ITPR3: variants seen among roughly 807,000 people sequenced by gnomAD.
ITPR3 encodes the protein inositol 1,4,5-trisphosphate receptor type 3, also known as inositol 1,4,5-trisphosphate-gated calcium channel ITPR3.
In ITPR3, 173 loss-of-function variants were observed where a neutral mutation model predicts 293.2. That is an observed-to-expected ratio of 0.59 (90% CI 0.52 to 0.67). The LOEUF is 0.67. Ranked by LOEUF, ITPR3 falls within the 30% of genes least tolerant of loss-of-function variation. ITPR3 has a pLI of 0.00. For synonymous variants in ITPR3, 1,295 were observed against 1,444.4 expected (o/e 0.90, Z 2.35); for missense variants, 2,796 against 3,592.1 (o/e 0.78, Z 5.66).
Position 33,686,098 on chromosome 6 carries a change from T to C in ITPR3, c.5713T>C (p.Cys1905Arg). The stretch of plus-strand genomic sequence containing the variant: ...CAACAAAACCAACTACAACTTGGTA[T>C]GCGAGACGCTGCAGTTCCTGGACAT... ...QNNKTNYNLV[C>R]ETLQFLDIMC... Residue 1905 changes from cysteine (C) to arginine (R), a missense_variant, in exon 42 of 58, where the codon TGC becomes CGC. Cys to Arg is a radical substitution (Grantham distance 180). Around this residue, in one of 8 missense-constraint regions of ITPR3, gnomAD observed 704 missense variants for 797.5 expected, o/e 0.88. Coordinates refer to ENST00000605930, the MANE Select transcript of ITPR3 (RefSeq NM_002224.4). 1 of 1,614,204 alleles carries C rather than the reference T, an allele frequency of 6.2e-7. No homozygotes were observed. The highest frequency in any genetic ancestry group is 8.5e-7 in the Non-Finnish European group (1 of 1,180,040).
At chr6:33,652,309 C>T (rs1361710015) in intron 2 of ITPR3, among the ~76,000 whole-genome samples, 4 of 152,106 alleles carry the variant, frequency 2.6e-5, no homozygotes, top group Non-Finnish European at 4.4e-5. Context: ...TGTATGCATC[C>T]GGCAGATTCA....
Position 33,688,038 on chromosome 6 carries a change from G to T in ITPR3, c.6265-19G>T. ...ATGTGGAGGCTGGGGCCTGACCTCC[G>T]CGCCCTCCCCACCTCCAGCTCAGCC... On this transcript the variant is annotated intron_variant, in intron 46 of 57. Coordinates refer to ENST00000605930, the MANE Select transcript of ITPR3 (RefSeq NM_002224.4). 6.2e-7 allele frequency: 1 copy of T among 1,602,292 alleles called. No individual in the cohort carries two copies. The highest frequency in any genetic ancestry group is 8.5e-7 in the Non-Finnish European group (1 of 1,172,016).
rs1764875697 is a variant in ITPR3 at position 33,675,332 on chromosome 6, G to T, written c.3117-359G>T. ...AGCTACTCAGGAGGCTGAAGCAGGA[G>T]AATCATTTGAATCCGGGAGGTGGAG... On this transcript the variant is annotated intron_variant, in intron 24 of 57. Transcript: ENST00000605930. This position sits in a 1 kb window ranked among gnomAD's most constrained non-coding sequence, Gnocchi z 5.0. 6.6e-6 allele frequency among the ~76,000 whole-genome samples: 1 copy of T among 151,826 alleles called. No homozygotes were observed. The highest frequency in any genetic ancestry group is 2.4e-5 in the African/African-American group (1 of 41,318).
In ITPR3 at chr6:33,654,330, C is replaced by T. The variant is rs899563685; in HGVS notation, c.161-1436C>T. On this transcript the variant is annotated intron_variant, in intron 2 of 57. Transcript: ENST00000605930. This position sits in a 1 kb window ranked among gnomAD's most constrained non-coding sequence, Gnocchi z 4.1. ...CACTCTCTCCAACAAACTGAGTGCT[C>T]TTTCGGAAGTGATGTCCACTCATGC... Among the ~76,000 whole-genome samples the T allele has an allele frequency of 2.0e-5, 3 of 152,062 alleles. No individual in the cohort carries two copies. Among genetic ancestry groups the T allele is most frequent in the Admixed American group, 1.3e-4 (2 of 15,268 alleles).
chr6:33,689,533 T>TC, intron 50 of ITPR3, 123 bp downstream of exon 50: 1 of 1,113,640 alleles, frequency 9.0e-7, no homozygotes, highest in Non-Finnish European at 1.3e-6. Context: ...TCTGTTGGGC[T>TC]CCCAAGTTCC....
At chr6:33,671,113 G>C in intron 20 of ITPR3, 52 bp from the exon 21 acceptor site, 1 of 1,604,810 alleles carries the variant, frequency 6.2e-7, no homozygotes, top group Non-Finnish European at 8.5e-7. Context: ...ACGAAGCCCC[G>C]CCCCTACGCG....
rs1186134316 is a variant in ITPR3, at chr6:33,659,129, T to G, written c.627+10T>G. On this transcript the variant is annotated intron_variant, in intron 6 of 57. Transcript: ENST00000605930. ...CGCCGGCTGCAAGGAGGTGAGGGGG[T>G]GGGGGGTCAGCCATGCAGTGCAGGG... 1.3e-5 allele frequency: 20 copies of G among 1,589,584 alleles called. No individual in the cohort carries two copies. The highest frequency in any genetic ancestry group is 1.6e-5 in the Non-Finnish European group (18 of 1,159,698).
intron 1 of ITPR3, among the ~76,000 whole-genome samples, chr6:33,629,281 G>T (rs1445275694): frequency 6.6e-6 from 1 of 152,034 alleles, no homozygotes; most frequent in African/African-American, 2.4e-5. Flanking sequence ...ACAGTGTTGT[G>T]ATCACACCAA....
In ITPR3 at chr6:33,673,749, G is replaced by T; in HGVS notation, c.3058+29G>T. On this transcript the variant is annotated intron_variant, in intron 23 of 57. Transcript: ENST00000605930. Reference sequence around the variant, plus strand: ...AGCCCCTGCCCTGCCTTCAGGCTGAGGCTGTGCGACTCTCCCAGGGATACA... The same window carrying T: ...AGCCCCTGCCCTGCCTTCAGGCTGATGCTGTGCGACTCTCCCAGGGATACA... 2.5e-6 allele frequency: 4 copies of T among 1,612,512 alleles called. 1 individual carries two copies. In the Middle Eastern group the frequency reaches 5.1e-4, roughly 205 times the overall value.
chr6:33,687,091 G>C lies in ITPR3; in HGVS notation c.6062G>C (p.Arg2021Pro). ...ENAERILISLRPQELVDVIKK... is the reference protein window; with the variant it reads ...ENAERILISLPPQELVDVIKK... ...GCTGAGCGAATCCTCATCAGCCTGC[G>C]GCCCCAGGAGCTGGTGAGGCTGGGC... Residue 2021 changes from arginine to proline, a missense_variant, in exon 44 of 58, where the codon CGG (arginine) becomes CCG (proline). Coordinates refer to ENST00000605930, the MANE Select transcript of ITPR3 (RefSeq NM_002224.4). The surrounding 1 kb of genome is among the most constrained non-coding windows in gnomAD (Gnocchi z 5.3). 6.2e-7 allele frequency: 1 copy of C among 1,613,996 alleles called. No individual in the cohort carries two copies. Among genetic ancestry groups the C allele is most frequent in the East Asian group, 2.2e-5 (1 of 44,882 alleles).
intron 2 of ITPR3, among the ~76,000 whole-genome samples, chr6:33,645,832 C>CTT (rs938290510): frequency 2.0e-5 from 3 of 147,942 alleles, no homozygotes; most frequent in African/African-American, 7.4e-5. Flanking sequence ...AAAATGTACT[C>CTT]TTTTTTTTTT....
rs910782310 is a variant in ITPR3, at chr6:33,665,864, T to C, written c.1439T>C (p.Val480Ala). Residue 480 changes from valine to alanine, a missense_variant, in exon 14 of 58, where the codon GTG (valine) becomes GCG (alanine). Transcript: ENST00000605930. ...RFVIQLLEDLVFFVSDVPNNG... is the reference protein window; with the variant it reads ...RFVIQLLEDLAFFVSDVPNNG... ...GTCATCCAGCTGCTGGAAGACCTGG[T>C]GTTCTTTGTCAGCGATGTCCCCAAC... 4 of 1,614,166 alleles carry C rather than the reference T, an allele frequency of 2.5e-6. No homozygotes were observed. Among genetic ancestry groups the C allele is most frequent in the Non-Finnish European group, 3.4e-6 (4 of 1,180,020 alleles).
At chr6:33,640,405 C>T in intron 1 of ITPR3, 79 bp from the exon 2 acceptor site, 2 of 1,301,928 alleles carry the variant, frequency 1.5e-6, no homozygotes, top group Non-Finnish European at 2.1e-6. Context: ...GGTACCCTGG[C>T]ATCCCCTGCT....
At position 33,625,970 on chromosome 6, in the gene ITPR3, T is replaced by C. The variant is rs76684647; in HGVS notation, c.89+4279T>C. ...TTTGTTTTGTTTGAAATGGGGTCTT[T>C]GTCACCCAGGCTGGAATGCAGTAGT... On this transcript the variant is annotated intron_variant, in intron 1 of 57. Transcript: ENST00000605930. 9.9e-3 allele frequency among the ~76,000 whole-genome samples: 1,502 copies of C among 152,274 alleles called. 16 individuals carry two copies. Among genetic ancestry groups the C allele is most frequent in the African/African-American group, 0.025 (1,054 of 41,542 alleles).
At chr6:33,686,606 G>C in intron 43 of ITPR3, 87 bp downstream of exon 43, 1 of 998,718 alleles carries the variant, frequency 1.0e-6, no homozygotes, top group Non-Finnish European at 1.6e-6. Flanking sequence ...AGTGTACATA[G>C]TGGTGTGTAA....
intron 2 of ITPR3, among the ~76,000 whole-genome samples, chr6:33,650,715 TAGA>T (rs948109566): frequency 4.6e-5 from 7 of 152,234 alleles, no homozygotes; most frequent in Middle Eastern, 3.2e-3. Flanking sequence ...TTTTTATTTC[TAGA>T]AGTTCTACTT....
chr6:33,622,569 T>C (rs1250062315), intron 1 of ITPR3, among the ~76,000 whole-genome samples: 1 of 152,110 alleles, frequency 6.6e-6, no homozygotes, highest in Non-Finnish European at 1.5e-5. Flanking sequence ...TTTGTCCCGT[T>C]TACAGTCTGG....
intron 1 of ITPR3, among the ~76,000 whole-genome samples, chr6:33,630,760 C>T (rs1467461731): frequency 6.6e-6 from 1 of 152,182 alleles, no homozygotes; most frequent in African/African-American, 2.4e-5. Context: ...TATTTGGGTT[C>T]TCTGCGTGTG....
intron 3 of ITPR3, among the ~76,000 whole-genome samples, chr6:33,656,648 G>C (rs1764313159): frequency 6.6e-6 from 1 of 152,138 alleles, no homozygotes; most frequent in African/African-American, 2.4e-5. Flanking sequence ...CCCCTTGTGG[G>C]CAGTGGCTCA....
Sources: gnomAD v4.1 joint callset for allele counts (sites outside exome capture counted in the v4.1 genomes callset) on GRCh38, gnomAD v4.1.1 for gene constraint, gnomAD v4.1.1 regional missense constraint, Gnocchi (gnomAD v3.1) non-coding constraint, MANE v1.5 for transcripts, NCBI Gene and HGNC (gene_info 2026-07-23, HGNC 2026-07-21) for gene names.